TAOK1: variants seen among roughly 807,000 people sequenced by gnomAD.
TAOK1 encodes the protein serine/threonine-protein kinase TAO1.
TAOK1 carries 21 observed loss-of-function variants against 138.3 expected under a neutral mutation model. That is an observed-to-expected ratio of 0.15 (90% confidence interval 0.11 to 0.22). The LOEUF (loss-of-function observed/expected upper bound fraction) is 0.22, where lower values mean the gene tolerates loss of function less well. Ranked by LOEUF, TAOK1 falls within the 10% of genes least tolerant of loss-of-function variation. The pLI is 1.00. For missense variants in TAOK1, 651 were observed against 1,227.7 expected, an observed-to-expected ratio of 0.53 and a Z score of 7.02; for synonymous variants, 361 against 398.4, an observed-to-expected ratio of 0.91 and a Z score of 1.12.
At chr17:29,406,097 C>T (rs1258493494) in intron 1 of TAOK1, among the ~76,000 whole-genome samples, 1 of 152,020 alleles carries the variant, frequency 6.6e-6, no homozygotes, top group East Asian at 1.9e-4. Context: ...GTAGTATTGA[C>T]ATTTTGGGTA....
Position 29,498,443 on chromosome 17 carries a change from A to C in TAOK1, c.1125A>C (p.Ser375=). ...SSSVNSLPDV[S]DDKSELDMME... is the part of the protein sequence containing the mutation. ...GTGTTAACAGTCTTCCAGATGTCTC[A>C]GATGACAAGAGTGAGCTAGACATGA... Residue 375 remains serine, a synonymous_variant, in exon 12 of 20, where the codon TCA becomes TCC. Transcript: ENST00000261716. 1.9e-6 allele frequency: 3 copies of C among 1,614,222 alleles called. No homozygotes were observed. Among genetic ancestry groups the C allele is most frequent in the Non-Finnish European group, 2.5e-6 (3 of 1,180,022 alleles).
chr17:29,404,270 C>T (rs1331159055), intron 1 of TAOK1, among the ~76,000 whole-genome samples: 1 of 152,104 alleles, frequency 6.6e-6, no homozygotes, highest in African/African-American at 2.4e-5. Context: ...TCAAGTGATC[C>T]TCCTGCCTCA....
intron 1 of TAOK1, among the ~76,000 whole-genome samples, chr17:29,448,935 G>A (rs2030163883): frequency 6.6e-6 from 1 of 152,090 alleles, no homozygotes; most frequent in Non-Finnish European, 1.5e-5. Context: ...GGATGCTTTG[G>A]GGGCATAAAG....
intron 18 of TAOK1, among the ~76,000 whole-genome samples, chr17:29,530,983 A>T (rs2032092610): frequency 2.2e-4 from 1 of 4,556 alleles, no homozygotes; most frequent in African/African-American, 8.2e-4. Context: ...TTTTTTTGAG[A>T]CGGAGTCTCA....
At chr17:29,437,064 G>A (rs1181369990) in intron 1 of TAOK1, among the ~76,000 whole-genome samples, 1 of 151,818 alleles carries the variant, frequency 6.6e-6, no homozygotes, top group Non-Finnish European at 1.5e-5. Flanking sequence ...TTTTTTGTTT[G>A]TTTGTTTGTT....
intron 2 of TAOK1, among the ~76,000 whole-genome samples, chr17:29,454,155 C>T (rs2030316281): frequency 6.6e-6 from 1 of 152,026 alleles, no homozygotes. Context: ...CTAGTTTTCC[C>T]AGTACATCTG....
intron 6 of TAOK1, among the ~76,000 whole-genome samples, chr17:29,478,678 G>A (rs940519557): frequency 2.6e-5 from 4 of 151,988 alleles, no homozygotes; most frequent in Non-Finnish European, 4.4e-5. Flanking sequence ...TCATTTTACC[G>A]GTAAAATCAC....
At chr17:29,439,007 A>T (rs1906123630) in intron 1 of TAOK1, among the ~76,000 whole-genome samples, 1 of 152,110 alleles carries the variant, frequency 6.6e-6, no homozygotes, top group Non-Finnish European at 1.5e-5. Context: ...TATGTTACGT[A>T]GACACTTTTT....
chr17:29,402,395 C>T (rs901970943), intron 1 of TAOK1, among the ~76,000 whole-genome samples: 6 of 152,038 alleles, frequency 3.9e-5, no homozygotes, highest in Admixed American at 1.3e-4. Flanking sequence ...CTCTACTTCC[C>T]GGGCTCAGGT....
chr17:29,412,256 T>G (rs1216612502), intron 1 of TAOK1, among the ~76,000 whole-genome samples: 3 of 152,232 alleles, frequency 2.0e-5, no homozygotes, highest in African/African-American at 7.2e-5. Context: ...TTGACCAGGT[T>G]GGTCTCGAAC....
chr17:29,542,937 C>A lies in TAOK1; in HGVS notation c.2921C>A (p.Ser974Tyr). The A allele has an allele frequency of 6.2e-7, 1 of 1,613,632 alleles. No homozygotes were observed. Among genetic ancestry groups the A allele is most frequent in the South Asian group, 1.1e-5 (1 of 91,038 alleles). The change falls in exon 20 of 20, where the codon TCT becomes TAT. Residue 974 changes from serine (S) to tyrosine (Y), a missense_variant. By Grantham distance (144) the Ser-to-Tyr change is moderately radical (BLOSUM62 -2). Around this residue, in one of 8 missense-constraint regions of TAOK1, gnomAD observed 108 missense variants for 120.3 expected, o/e 0.90. Transcript: ENST00000261716. ...CCCCAGGCTCTGAGGCGGACAGCTTCTGGGGGACGGACGGAGCAGGGCATG... is the reference window on the plus strand; with the variant it reads ...CCCCAGGCTCTGAGGCGGACAGCTTATGGGGGACGGACGGAGCAGGGCATG... The part of the protein sequence containing the change: ...NSPQALRRTA[S>Y]GGRTEQGMSR...
chr17:29,517,185 T>A (rs2031833529), intron 15 of TAOK1, among the ~76,000 whole-genome samples: 1 of 151,960 alleles, frequency 6.6e-6, no homozygotes, highest in African/African-American at 2.4e-5. Flanking sequence ...AGACAGGGTT[T>A]CACCGTGTTA....
chr17:29,513,075 TA>T, intron 15 of TAOK1: 1 of 101,034 alleles, frequency 9.9e-6, no homozygotes, highest in South Asian at 3.6e-4. Flanking sequence ...CCCCGTCTTA[TA>T]GGATGATTGA....
chr17:29,507,108 G>C (rs915369166), intron 13 of TAOK1, among the ~76,000 whole-genome samples: 1 of 152,056 alleles, frequency 6.6e-6, no homozygotes, highest in African/African-American at 2.4e-5. Flanking sequence ...CTGCTTAATA[G>C]GTATGGGATT....
At chr17:29,501,368 A>G (rs1216907780) in intron 12 of TAOK1, among the ~76,000 whole-genome samples, 1 of 151,350 alleles carries the variant, frequency 6.6e-6, no homozygotes, top group Non-Finnish European at 1.5e-5. Context: ...GGCTGCAGTT[A>G]GCCTTGATCA....
chr17:29,517,973 A>G (rs1265621885), intron 16 of TAOK1, among the ~76,000 whole-genome samples: 1 of 152,064 alleles, frequency 6.6e-6, no homozygotes, highest in African/African-American at 2.4e-5. Flanking sequence ...TTCGTGCCTC[A>G]GCCTCCCAAA....
chr17:29,480,631 G>C (rs949201257), intron 7 of TAOK1, 150 bp downstream of exon 7: 1 of 598,700 alleles, frequency 1.7e-6, no homozygotes, highest in African/African-American at 1.9e-5. Flanking sequence ...AACTTTGGGA[G>C]GCCGAGGCAG....
Position 29,425,481 on chromosome 17 carries a change from C to T in TAOK1, c.-94-25974C>T, listed in dbSNP as rs115028167. ...ACAGCTTGAGTTCACGAGTTTGAGA[C>T]CAGCCTGGGCAGCATGGCGATACCC... On this transcript the variant is annotated intron_variant, in intron 1 of 19. Transcript: ENST00000261716. Among the ~76,000 whole-genome samples, 489 of 152,200 alleles carry T rather than the reference C, an allele frequency of 3.2e-3. 6 individuals are homozygous for T. The highest frequency in any genetic ancestry group is 0.011 in the African/African-American group (468 of 41,528).
chr17:29,416,858 A>G (rs1469831698), intron 1 of TAOK1, among the ~76,000 whole-genome samples: 3 of 152,124 alleles, frequency 2.0e-5, no homozygotes, highest in African/African-American at 4.8e-5. Flanking sequence ...TATTTAGTCA[A>G]TATTTGTTAA....
Sources: gnomAD v4.1 joint callset for allele counts (sites outside exome capture counted in the v4.1 genomes callset) on GRCh38, gnomAD v4.1.1 for gene constraint, gnomAD v4.1.1 regional missense constraint, MANE v1.5 for transcripts, NCBI Gene and HGNC (gene_info 2026-07-23, HGNC 2026-07-21) for gene names.